Variants in MYL5 observed in about 807,000 individuals in gnomAD.
MYL5 encodes myosin light chain 5.
Under a neutral mutation model 20.8 loss-of-function variants are expected in MYL5, and 28 were observed. The observed-to-expected ratio is 1.35, with a 90% CI of 1.00 to 1.84. The LOEUF is 1.84. MYL5 is among the 40% of genes most tolerant of loss of function. MYL5 has a pLI of 0.00. For missense variants in MYL5, 274 were observed against 227.3 expected, an observed-to-expected ratio of 1.21 and a Z score of -1.32; for synonymous variants, 118 against 87.4, an observed-to-expected ratio of 1.35 and a Z score of -1.95.
chr4:681,360 G>T (rs1208247618), intron 6 of MYL5, among the ~76,000 whole-genome samples: 1 of 152,090 alleles, frequency 6.6e-6, no homozygotes, highest in Non-Finnish European at 1.5e-5. Context: ...TTAGATCAGC[G>T]GCTGGAGACC....
chr4:681,171 C>T (rs777350526), intron 6 of MYL5, 31 bp downstream of exon 8: 4 of 1,593,666 alleles, frequency 2.5e-6, no homozygotes, highest in Non-Finnish European at 3.4e-6. Context: ...GCCAAGCCCA[C>T]GAGGGGAGGG....
chr4:681,199 G>A, intron 6 of MYL5, 59 bp downstream of exon 8: 2 of 1,560,662 alleles, frequency 1.3e-6, no homozygotes, highest in South Asian at 2.3e-5. Context: ...CCCGGGGTCA[G>A]CTGGGTGGAG....
Position 680,020 on chromosome 4 carries a change from T to G in MYL5, c.292+2T>G. The G allele has an allele frequency of 6.2e-7, 1 of 1,609,168 alleles. No individual in the cohort carries two copies. On this transcript the variant is annotated splice_donor_variant, in intron 4 of 6. Coordinates refer to ENST00000400159, the Ensembl canonical transcript of MYL5. LOFTEE classifies it high-confidence loss of function. ...ACCTGTTTGGGGAGAAGCTGAGCGG[T>G]GAGCACCGGTGGGGCAGGCCTGGCC... is the stretch of plus-strand genomic sequence containing the variant.
Position 681,878 on chromosome 4 carries a change from C to T in MYL5, c.421-15C>T, listed in dbSNP as rs759271484. On this transcript the variant is annotated splice_polypyrimidine_tract_variant and intron_variant, in intron 6 of 6. Coordinates refer to ENST00000400159, the Ensembl canonical transcript of MYL5. ...TCCCGGAGCCCGCAAGGAGCCCTTT[C>T]GCCCCCGCCCGCAGGTGGACCAGAT... 1.5e-6 allele frequency: 2 copies of T among 1,311,902 alleles called. No individual in the cohort carries two copies. The highest frequency in any genetic ancestry group is 2.0e-6 in the Non-Finnish European group (2 of 1,021,462). 81.3% of individuals were successfully genotyped at this position (1,311,902 alleles called of 1,614,324 possible).
At chr4:677,238 TCCCAC>T (rs2109322217), upstream of MYL5, among the ~76,000 whole-genome samples, 1 of 152,220 alleles carries the variant, frequency 6.6e-6, no homozygotes, top group South Asian at 2.1e-4. Context: ...CAGACCCTCC[TCCCAC>T]CCCTTGAACC....
chr4:678,675 G>A, exon 2 of MYL5: 1 of 1,609,992 alleles, frequency 6.2e-7, no homozygotes, highest in Non-Finnish European at 8.5e-7. Flanking sequence ...GGAAGACCAA[G>A]AAGAAGGAAG....
intron 1 of MYL5, 140 bp from the exon 4 acceptor site, chr4:678,518 G>T (rs903466349): frequency 6.9e-7 from 1 of 1,448,584 alleles, no homozygotes; most frequent in Non-Finnish European, 9.1e-7. Flanking sequence ...AGGCTGGCAT[G>T]CTCCTCAGCT....
At chr4:679,255 A>G (rs1304840160) in intron 3 of MYL5, 3 of 660,424 alleles carry the variant, frequency 4.5e-6, no homozygotes, top group Non-Finnish European at 5.4e-6. Context: ...GGACAGCCCA[A>G]GCCTGGAAAC....
chr4:677,463 G>A (rs1738960147), upstream of MYL5, among the ~76,000 whole-genome samples: 1 of 152,174 alleles, frequency 6.6e-6, no homozygotes, highest in South Asian at 2.1e-4. Flanking sequence ...TCACCCATGG[G>A]CCAGGCAAGG....
intron 5 of MYL5, 126 bp downstream of exon 7, chr4:680,713 C>A: frequency 2.1e-6 from 2 of 963,760 alleles, no homozygotes; most frequent in Non-Finnish European, 3.1e-6. Flanking sequence ...AGCTTCAGGG[C>A]CATGAGGAGC....
exon 6 of MYL5, chr4:681,135 G>A (rs1233430076): frequency 1.2e-6 from 2 of 1,605,828 alleles, no homozygotes; most frequent in African/African-American, 1.3e-5. Flanking sequence ...GATGACGGCG[G>A]AAGAGGTCTG....
At chr4:680,883 T>A in intron 5 of MYL5, 1 of 654,806 alleles carries the variant, frequency 1.5e-6, no homozygotes, top group Non-Finnish European at 2.6e-6. Flanking sequence ...GTAACCTCCT[T>A]CCGGCTCTGT....
chr4:679,055 C>T, intron 3 of MYL5, 22 bp downstream of exon 5: 1 of 1,602,694 alleles, frequency 6.2e-7, no homozygotes, highest in Non-Finnish European at 8.5e-7. Flanking sequence ...GGCAGAACGC[C>T]TCAGAGCCCT....
At chr4:674,643 G>A, upstream of MYL5, 2 of 279,808 alleles carry the variant, frequency 7.1e-6, no homozygotes, top group Non-Finnish European at 6.8e-6. Flanking sequence ...TGCGGGCCGG[G>A]GCGCACTCTG....
At chr4:679,932 A>G in exon 4 of MYL5, 1 of 1,613,720 alleles carries the variant, frequency 6.2e-7, no homozygotes, top group Middle Eastern at 1.7e-4. Context: ...AACGTCAAGG[A>G]CGACGAGCTG....
At chr4:681,050 A>C (rs377299244) in intron 5 of MYL5, 42 bp from the exon 8 acceptor site, 1 of 1,564,562 alleles carries the variant, frequency 6.4e-7, no homozygotes, top group Non-Finnish European at 8.7e-7. Flanking sequence ...AGGCTCCTGC[A>C]CCCCCGCATC....
At chr4:679,111 C>T (rs1332428627) in intron 3 of MYL5, 78 bp downstream of exon 5, 1 of 1,393,946 alleles carries the variant, frequency 7.2e-7, no homozygotes, top group African/African-American at 1.4e-5. Context: ...ACGCCGCGGC[C>T]CCTCCTCGAA....
intron 6 of MYL5, 67 bp from the exon 9 acceptor site, chr4:681,822 GGGCC>G (rs1357989703): frequency 1.6e-6 from 2 of 1,267,876 alleles, no homozygotes; most frequent in Non-Finnish European, 2.0e-6. Flanking sequence ...ACCACACCCG[GGGCC>G]GCTGCAGGTG....
At chr4:679,936 C>T (rs779480662) in exon 4 of MYL5, 27 of 1,613,642 alleles carry the variant, frequency 1.7e-5, no homozygotes, top group Middle Eastern at 1.6e-4. Flanking sequence ...TCAAGGACGA[C>T]GAGCTGGACG....
Sources: allele counts gnomAD v4.1 joint callset (sites outside exome capture counted in the v4.1 genomes callset), GRCh38; gene constraint gnomAD v4.1.1; transcripts MANE v1.5; gene names NCBI Gene and HGNC (gene_info 2026-07-23, HGNC 2026-07-21).